The following SIPA1L3 variants were observed in gnomAD, a reference collection of about 807,000 sequenced individuals.
SIPA1L3 encodes the protein signal induced proliferation associated 1 like 3, also known as signal-induced proliferation-associated 1-like protein 3.
A neutral mutation model predicts 150.1 loss-of-function variants in SIPA1L3; 59 were observed. The observed-to-expected ratio is 0.39, with a 90% CI of 0.32 to 0.49. SIPA1L3 has a LOEUF of 0.49. Ranked by LOEUF, SIPA1L3 falls within the 20% of genes least tolerant of loss-of-function variation. The pLI is 0.86. For synonymous variants in SIPA1L3, 1,070 were observed against 1,077.6 expected (o/e 0.99, Z 0.14); for missense variants, 2,211 against 2,489.5 (o/e 0.89, Z 2.38).
chr19:38,038,295 G>A (rs1968835485), intron 2 of SIPA1L3, among the ~76,000 whole-genome samples: 1 of 152,162 alleles, frequency 6.6e-6, no homozygotes. Flanking sequence ...TCTTCCTCAT[G>A]TAAAAGTCAT....
intron 1 of SIPA1L3, among the ~76,000 whole-genome samples, chr19:37,986,566 T>C (rs1461985074): frequency 2.0e-5 from 3 of 152,204 alleles, no homozygotes; most frequent in African/African-American, 4.8e-5. Context: ...GTCGCCAGCG[T>C]TGGGGGCCTG....
intron 2 of SIPA1L3, among the ~76,000 whole-genome samples, chr19:38,074,382 G>T (rs1314789782): frequency 6.6e-6 from 1 of 152,242 alleles, no homozygotes; most frequent in Non-Finnish European, 1.5e-5. Context: ...AGCAAGTCAG[G>T]GTCGCATCTG....
intron 2 of SIPA1L3, among the ~76,000 whole-genome samples, chr19:38,044,139 G>A (rs1968995541): frequency 6.6e-6 from 1 of 152,228 alleles, no homozygotes; most frequent in South Asian, 2.1e-4. Flanking sequence ...GACACCAGCT[G>A]AGGGGTGAAG....
chr19:37,912,081 GA>G (rs2046382057), intron 1 of SIPA1L3, among the ~76,000 whole-genome samples: 1 of 151,338 alleles, frequency 6.6e-6, no homozygotes, highest in Admixed American at 6.6e-5. Context: ...ATAAAAAAAA[GA>G]AAAAATTAGC....
At chr19:38,069,831 A>ATTT (rs143984654) in intron 2 of SIPA1L3, among the ~76,000 whole-genome samples, 1 of 136,332 alleles carries the variant, frequency 7.3e-6, no homozygotes, top group African/African-American at 2.7e-5. Context: ...TACCTGGTTA[A>ATTT]TTTTTTTTTT....
rs139434480 is a variant in SIPA1L3 at position 37,955,614 on chromosome 19, C to G, written c.-379+48256C>G. Among the ~76,000 whole-genome samples, 39 of 152,304 alleles carry G rather than the reference C, an allele frequency of 2.6e-4. No homozygotes were observed. In the East Asian group the frequency reaches 6.6e-3, roughly 26 times the overall value. On this transcript the variant is annotated intron_variant, in intron 1 of 21. Transcript: ENST00000222345. ...GTTTCCTGAACATTTCAAATACATG[C>G]AGTCATACAGTATGTAGTCTTTTCT...
At chr19:38,068,069 C>T (rs1969636169) in intron 2 of SIPA1L3, among the ~76,000 whole-genome samples, 2 of 147,656 alleles carry the variant, frequency 1.4e-5, no homozygotes, top group South Asian at 4.3e-4. Flanking sequence ...TTTGCCCAGG[C>T]TGGAGTGCAG....
chr19:37,989,026 A>G (rs1446959345), intron 1 of SIPA1L3, among the ~76,000 whole-genome samples: 1 of 152,190 alleles, frequency 6.6e-6, no homozygotes, highest in East Asian at 1.9e-4. Context: ...CTCATGCAAT[A>G]TAAGCCCTGT....
intron 19 of SIPA1L3, among the ~76,000 whole-genome samples, chr19:38,199,341 T>G (rs1475922121): frequency 2.0e-5 from 3 of 152,068 alleles, no homozygotes; most frequent in African/African-American, 7.3e-5. Flanking sequence ...GCGGTTGTAG[T>G]GTTGTTTGCG....
intron 1 of SIPA1L3, among the ~76,000 whole-genome samples, chr19:38,018,154 G>GTTTT (rs1968281619): frequency 4.3e-5 from 4 of 93,826 alleles, no homozygotes; most frequent in African/African-American, 1.4e-4. Context: ...CCCTTTGAGT[G>GTTTT]TCTTTTTTTT....
chr19:38,007,707 A>C (rs1048592397), intron 1 of SIPA1L3, among the ~76,000 whole-genome samples: 13 of 151,814 alleles, frequency 8.6e-5, no homozygotes, highest in African/African-American at 2.9e-4. Context: ...CATTTTCCAT[A>C]CCAGGCACTG....
intron 12 of SIPA1L3, among the ~76,000 whole-genome samples, chr19:38,150,028 A>G (rs1467649831): frequency 6.6e-6 from 1 of 152,212 alleles, no homozygotes. Context: ...ATGGAGCCAC[A>G]TTTTACCAGG....
intron 9 of SIPA1L3, among the ~76,000 whole-genome samples, chr19:38,125,223 A>T (rs1971145692): frequency 6.6e-6 from 1 of 152,036 alleles, no homozygotes; most frequent in African/African-American, 2.4e-5. Context: ...TTTAATAGAG[A>T]TAGGGTTTCG....
chr19:37,917,969 C>T (rs2046426844), intron 1 of SIPA1L3, among the ~76,000 whole-genome samples: 1 of 151,864 alleles, frequency 6.6e-6, no homozygotes, highest in African/African-American at 2.4e-5. Flanking sequence ...TGTGCCACTG[C>T]ACTCCAGCCT....
At chr19:37,939,399 C>CAAAA (rs753230257) in intron 1 of SIPA1L3, among the ~76,000 whole-genome samples, 1 of 69,176 alleles carries the variant, frequency 1.4e-5, no homozygotes, top group Non-Finnish European at 2.7e-5. Flanking sequence ...GACTCCATGT[C>CAAAA]AAAAAAAAAA....
rs543754310 is a variant in SIPA1L3, at chr19:38,012,103, T to A, written c.-378-16986T>A. ...CTGGGCTGTGTCTTTTTTTTTTTTT[T>A]TGAGACAGGGTCTTGCTCTGTCACC... On this transcript the variant is annotated intron_variant, in intron 1 of 21. Transcript: ENST00000222345. 9.2e-5 allele frequency among the ~76,000 whole-genome samples: 14 copies of A among 151,778 alleles called. No homozygotes were observed. The East Asian group carries it at 2.5e-3, about 27-fold the overall frequency.
chr19:38,051,903 GT>G (rs986946551), intron 2 of SIPA1L3, among the ~76,000 whole-genome samples: 48 of 152,168 alleles, frequency 3.2e-4, no homozygotes, highest in African/African-American at 1.1e-3. Flanking sequence ...CACTTGAGTT[GT>G]TTTAGTAATG....
In SIPA1L3 at chr19:38,206,351, G is replaced by A. The variant is rs116702603; in HGVS notation, c.*111G>A. The A allele has an allele frequency of 9.3e-5, 122 of 1,310,340 alleles. No individual in the cohort carries two copies. In the African/African-American group the frequency reaches 1.4e-3, roughly 16 times the overall value. 81.2% of individuals were successfully genotyped at this position (1,310,340 alleles called of 1,614,324 possible). Reference sequence around the variant, plus strand: ...GGTGTGACCAAGATGACCCATCCAGGGCCCTCCCCATGGACACGGAAACTC... The same window carrying A: ...GGTGTGACCAAGATGACCCATCCAGAGCCCTCCCCATGGACACGGAAACTC... On this transcript the variant is annotated 3_prime_UTR_variant, in exon 22 of 22. Transcript: ENST00000222345.
intron 2 of SIPA1L3, among the ~76,000 whole-genome samples, chr19:38,061,297 C>G (rs1168877346): frequency 6.6e-6 from 1 of 151,910 alleles, no homozygotes; most frequent in Non-Finnish European, 1.5e-5. Context: ...TTCCTGGCCT[C>G]AAGTCATCCG....
Sources: gnomAD v4.1 joint callset for allele counts (sites outside exome capture counted in the v4.1 genomes callset) on GRCh38, gnomAD v4.1.1 for gene constraint, MANE v1.5 for transcripts, NCBI Gene and HGNC (gene_info 2026-07-23, HGNC 2026-07-21) for gene names.